The following CSMD1 variants were observed in gnomAD, a reference collection of about 807,000 sequenced individuals.
CSMD1 encodes CUB and sushi domain-containing protein 1.
A neutral mutation model predicts 417.5 loss-of-function variants in CSMD1; 213 were observed. The ratio of observed to expected loss-of-function variants is 0.51; its 90% CI spans 0.46 to 0.57. The LOEUF is 0.57. Ranked by LOEUF, CSMD1 falls within the 20% of genes least tolerant of loss-of-function variation. CSMD1 has a pLI of 0.00. For missense variants in CSMD1, 6,923 were observed against 4,529.7 expected, an observed-to-expected ratio of 1.53 and a Z score of -15.17; for synonymous variants, 2,862 against 1,736.8, an observed-to-expected ratio of 1.65 and a Z score of -16.11.
chr8:3,920,215 A>C (rs1160408776), intron 5 of CSMD1, among the ~76,000 whole-genome samples: 1 of 151,934 alleles, frequency 6.6e-6, no homozygotes, highest in African/African-American at 2.4e-5. Flanking sequence ...TCATATTTTT[A>C]GTAAAGACAG....
chr8:3,695,963 T>A (rs927832131), intron 7 of CSMD1, among the ~76,000 whole-genome samples: 2 of 152,184 alleles, frequency 1.3e-5, no homozygotes, highest in African/African-American at 4.8e-5. Flanking sequence ...AAAACTACAC[T>A]TGAAGATATG....
chr8:4,214,844 A>T (rs1800537295), intron 3 of CSMD1, among the ~76,000 whole-genome samples: 1 of 152,302 alleles, frequency 6.6e-6, no homozygotes, highest in Admixed American at 6.5e-5. Context: ...TAAAAAAACT[A>T]TGACCACCAG....
chr8:4,226,618 A>G (rs1426948735), intron 3 of CSMD1, among the ~76,000 whole-genome samples: 1 of 152,232 alleles, frequency 6.6e-6, no homozygotes, highest in African/African-American at 2.4e-5. Flanking sequence ...ATATTCTATA[A>G]CATCAATTAC....
At chr8:3,188,041 T>A in intron 35 of CSMD1, 76 bp from the exon 36 acceptor site, 5 of 923,186 alleles carry the variant, frequency 5.4e-6, no homozygotes, top group Non-Finnish European at 8.4e-6. Flanking sequence ...GGTTTTGGGG[T>A]TTTTCATGAT....
intron 49 of CSMD1, among the ~76,000 whole-genome samples, chr8:3,055,225 T>A (rs930429913): frequency 1.3e-5 from 2 of 152,198 alleles, no homozygotes; most frequent in Non-Finnish European, 1.5e-5. Context: ...AAGATCTTTA[T>A]AGCCCCTTCT....
intron 3 of CSMD1, among the ~76,000 whole-genome samples, chr8:4,154,286 T>C (rs560960527): frequency 6.7e-6 from 1 of 149,278 alleles, no homozygotes; most frequent in East Asian, 2.0e-4. Flanking sequence ...AATAAATAAA[T>C]AAGATGTTTC....
intron 1 of CSMD1, among the ~76,000 whole-genome samples, chr8:4,758,826 C>A (rs1456623297): frequency 6.6e-6 from 1 of 152,148 alleles, no homozygotes; most frequent in Non-Finnish European, 1.5e-5. Flanking sequence ...CAACCACCTC[C>A]CACCAGGTCT....
At chr8:4,181,467 TACACTA>T (rs916496106) in intron 3 of CSMD1, among the ~76,000 whole-genome samples, 49 of 152,098 alleles carry the variant, frequency 3.2e-4, no homozygotes, top group African/African-American at 1.2e-3. Context: ...ACACAGAAAA[TACACTA>T]ACACTAACGA....
intron 5 of CSMD1, among the ~76,000 whole-genome samples, chr8:3,860,959 G>C (rs991476384): frequency 2.0e-5 from 3 of 152,178 alleles, no homozygotes; most frequent in African/African-American, 7.2e-5. Flanking sequence ...TATACTTCAT[G>C]CAAAATGAAA....
At chr8:3,074,927 T>G (rs1236677888) in intron 49 of CSMD1, among the ~76,000 whole-genome samples, 1 of 152,178 alleles carries the variant, frequency 6.6e-6, no homozygotes, top group East Asian at 1.9e-4. Context: ...TTCTCAGTGT[T>G]GGAGGTGGGG....
chr8:3,778,322 C>G (rs887444180), intron 5 of CSMD1, among the ~76,000 whole-genome samples: 2 of 152,182 alleles, frequency 1.3e-5, no homozygotes, highest in African/African-American at 4.8e-5. Flanking sequence ...GTTACATTTT[C>G]CCCAATTAGG....
intron 41 of CSMD1, among the ~76,000 whole-genome samples, chr8:3,125,761 G>A (rs945394516): frequency 1.3e-5 from 2 of 152,202 alleles, no homozygotes; most frequent in African/African-American, 4.8e-5. Flanking sequence ...CAGATTACCT[G>A]AGATCAGGAG....
At chr8:4,341,523 A>C (rs995434856) in intron 3 of CSMD1, among the ~76,000 whole-genome samples, 2 of 152,100 alleles carry the variant, frequency 1.3e-5, no homozygotes, top group Admixed American at 6.6e-5. Context: ...CTTTCTAGGA[A>C]GCAAACCCAT....
intron 5 of CSMD1, among the ~76,000 whole-genome samples, chr8:3,862,908 C>A (rs1401638941): frequency 2.6e-5 from 4 of 152,118 alleles, no homozygotes; most frequent in African/African-American, 7.2e-5. Flanking sequence ...GGACCTATAG[C>A]AAATTACATT....
rs1800256626 is a variant in CSMD1 at position 4,337,813 on chromosome 8, A to C, written c.415+82140T>G. Among the ~76,000 whole-genome samples, 6 of 152,176 alleles carry C rather than the reference A, an allele frequency of 3.9e-5. No homozygotes were observed. The South Asian group carries it at 1.2e-3, about 32-fold the overall frequency. ...GCTCTGATAAATTTTTAATCAGTAG[A>C]ATAAATCAGGTAATTATAAAACTTC... On this transcript the variant is annotated intron_variant, in intron 3 of 69. Coordinates refer to ENST00000635120, the MANE Select transcript of CSMD1 (RefSeq NM_033225.6).
intron 3 of CSMD1, among the ~76,000 whole-genome samples, chr8:4,059,028 C>A (rs1030633398): frequency 5.3e-5 from 8 of 152,014 alleles, no homozygotes; most frequent in Non-Finnish European, 1.2e-4. Flanking sequence ...CCAAAATTGA[C>A]CATACAGTTG....
intron 3 of CSMD1, among the ~76,000 whole-genome samples, chr8:4,375,117 G>C (rs1035181948): frequency 6.6e-6 from 1 of 152,080 alleles, no homozygotes; most frequent in African/African-American, 2.4e-5. Flanking sequence ...GAAGAACGAA[G>C]TCAAAAATGG....
At chr8:3,567,853 A>G (rs998236097) in intron 10 of CSMD1, among the ~76,000 whole-genome samples, 32 of 152,006 alleles carry the variant, frequency 2.1e-4, no homozygotes, top group African/African-American at 7.5e-4. Context: ...CTGCTTTCTC[A>G]TTATATAGTT....
At chr8:3,301,331 G>A (rs573485222) in intron 25 of CSMD1, among the ~76,000 whole-genome samples, 2 of 152,136 alleles carry the variant, frequency 1.3e-5, no homozygotes, top group South Asian at 2.1e-4. Context: ...GGAGAGTTTG[G>A]GAGGCTTCAG....
Sources: allele counts gnomAD v4.1 joint callset (sites outside exome capture counted in the v4.1 genomes callset), GRCh38; gene constraint gnomAD v4.1.1; transcripts MANE v1.5; gene names NCBI Gene and HGNC (gene_info 2026-07-23, HGNC 2026-07-21).